Variants in NOL4 observed in about 807,000 individuals in gnomAD.
NOL4 encodes nucleolar protein 4, also known as cancer/testis antigen 125.
Under a neutral mutation model 75.9 loss-of-function variants are expected in NOL4, and 17 were observed. That is an observed-to-expected ratio of 0.22 (90% CI 0.15 to 0.34). The LOEUF is 0.34. NOL4 is among the 10% of genes least tolerant of loss of function. The pLI is 1.00. For synonymous variants in NOL4, 292 were observed against 289.9 expected (o/e 1.01, Z -0.07); for missense variants, 614 against 793.5 (o/e 0.77, Z 2.72).
At chr18:34,042,512 A>T (rs1203704822) in intron 5 of NOL4, among the ~76,000 whole-genome samples, 1 of 152,006 alleles carries the variant, frequency 6.6e-6, no homozygotes, top group Non-Finnish European at 1.5e-5. Context: ...AAAGTGTAGG[A>T]GAGGTAGCAT....
At chr18:34,002,729 T>C (rs1039978598) in intron 6 of NOL4, among the ~76,000 whole-genome samples, 2 of 152,072 alleles carry the variant, frequency 1.3e-5, no homozygotes, top group African/African-American at 4.8e-5. Flanking sequence ...AATAAAAATC[T>C]CCAATCTAAA....
At chr18:34,086,112 A>G (rs745378872) in intron 5 of NOL4, among the ~76,000 whole-genome samples, 18 of 152,172 alleles carry the variant, frequency 1.2e-4, no homozygotes, top group Admixed American at 2.0e-4. Context: ...AAACAAATTC[A>G]TCATGTGAAT....
chr18:34,211,991 C>A (rs1305858165), intron 1 of NOL4, among the ~76,000 whole-genome samples: 2 of 151,602 alleles, frequency 1.3e-5, no homozygotes, highest in Non-Finnish European at 2.9e-5. Flanking sequence ...TAAATGAGAA[C>A]AAATATTATA....
chr18:34,178,994 T>C lies in NOL4; in HGVS notation c.264+43996A>G, dbSNP rs1050411126. 4.0e-5 allele frequency among the ~76,000 whole-genome samples: 6 copies of C among 151,696 alleles called. No homozygotes were observed. In the East Asian group the frequency reaches 1.2e-3, roughly 29 times the overall value. On this transcript the variant is annotated intron_variant, in intron 1 of 10. Transcript: ENST00000261592. ...AATGACTTAAATCATACAAGGTATG[T>C]TTTATGACCACAATATAATGAAATT...
chr18:34,168,194 CAA>C (rs1357491254), intron 1 of NOL4, among the ~76,000 whole-genome samples: 1 of 151,058 alleles, frequency 6.6e-6, no homozygotes, highest in East Asian at 1.9e-4. Flanking sequence ...GTAGAATACC[CAA>C]AAAAAGATAA....
chr18:33,853,369 GT>G (rs1369582871), intron 10 of NOL4, among the ~76,000 whole-genome samples: 5 of 152,040 alleles, frequency 3.3e-5, no homozygotes, highest in Non-Finnish European at 1.5e-5. Context: ...GCTTCTCATA[GT>G]AGCATAACAT....
At chr18:34,011,315 C>T (rs561699327) in intron 6 of NOL4, among the ~76,000 whole-genome samples, 1 of 151,578 alleles carries the variant, frequency 6.6e-6, no homozygotes, top group Non-Finnish European at 1.5e-5. Context: ...TAATGTAAGG[C>T]TCATCTAATA....
chr18:34,054,569 T>C (rs2076755260), intron 5 of NOL4, among the ~76,000 whole-genome samples: 1 of 151,978 alleles, frequency 6.6e-6, no homozygotes, highest in Non-Finnish European at 1.5e-5. Flanking sequence ...TTTTAATCTT[T>C]GTGACTCTCA....
At chr18:34,177,355 C>T (rs2146306151) in intron 1 of NOL4, among the ~76,000 whole-genome samples, 1 of 151,918 alleles carries the variant, frequency 6.6e-6, no homozygotes, top group South Asian at 2.1e-4. Context: ...GTTCATTATC[C>T]TGACTGCTTT....
intron 1 of NOL4, among the ~76,000 whole-genome samples, chr18:34,207,168 T>A (rs2036180939): frequency 6.6e-6 from 1 of 152,200 alleles, no homozygotes; most frequent in African/African-American, 2.4e-5. Flanking sequence ...CCTTTATAAT[T>A]CCAACATCTG....
At chr18:33,970,203 T>C (rs1408981582) in intron 6 of NOL4, among the ~76,000 whole-genome samples, 3 of 152,210 alleles carry the variant, frequency 2.0e-5, no homozygotes, top group Non-Finnish European at 4.4e-5. Context: ...ATCTTCATGA[T>C]ATTTGAGAGT....
chr18:33,982,503 G>A lies in NOL4; in HGVS notation c.1057-24085C>T, dbSNP rs567458007. Among the ~76,000 whole-genome samples, 63 of 152,252 alleles carry A rather than the reference G, an allele frequency of 4.1e-4. No homozygotes were observed. In the South Asian group the frequency reaches 0.013, roughly 32 times the overall value. On this transcript the variant is annotated intron_variant, in intron 6 of 10. Transcript: ENST00000261592. Reference sequence around the variant, plus strand: ...AATGATAAATGGGTCAATTCTCCAAGAAGACAGAACAATCTGTATTGTGTA... The same window carrying A: ...AATGATAAATGGGTCAATTCTCCAAAAAGACAGAACAATCTGTATTGTGTA...
At chr18:33,876,867 C>T (rs572216167) in intron 10 of NOL4, among the ~76,000 whole-genome samples, 22 of 151,992 alleles carry the variant, frequency 1.4e-4, no homozygotes, top group Middle Eastern at 3.4e-3. Flanking sequence ...GTGAAGAAAA[C>T]GAAACTGGTA....
At chr18:33,954,456 T>C (rs2069494415) in intron 8 of NOL4, among the ~76,000 whole-genome samples, 1 of 152,082 alleles carries the variant, frequency 6.6e-6, no homozygotes, top group Non-Finnish European at 1.5e-5. Flanking sequence ...TAAAATGCTC[T>C]TTCGAGAAAC....
intron 10 of NOL4, among the ~76,000 whole-genome samples, chr18:33,879,049 G>A (rs571519654): frequency 8.3e-4 from 126 of 152,158 alleles, no homozygotes; most frequent in South Asian, 3.5e-3. Context: ...CTCTATGTGA[G>A]GCTATGCCAA....
chr18:34,135,468 C>T (rs1011631402), intron 1 of NOL4, among the ~76,000 whole-genome samples: 3 of 151,826 alleles, frequency 2.0e-5, no homozygotes, highest in South Asian at 2.1e-4. Context: ...GAGGCTGAGA[C>T]GGGTGGATCA....
intron 6 of NOL4, among the ~76,000 whole-genome samples, chr18:33,993,434 A>G (rs773146033): frequency 3.3e-5 from 5 of 151,978 alleles, no homozygotes; most frequent in Admixed American, 6.6e-5. Flanking sequence ...TGAAATAATC[A>G]AGAAAGTCAC....
At chr18:34,069,213 T>C (rs999770013) in intron 5 of NOL4, among the ~76,000 whole-genome samples, 18 of 152,224 alleles carry the variant, frequency 1.2e-4, no homozygotes, top group African/African-American at 4.3e-4. Flanking sequence ...AAACACCAAA[T>C]GGAAATTATG....
intron 5 of NOL4, among the ~76,000 whole-genome samples, chr18:34,090,602 T>C (rs908859759): frequency 1.3e-5 from 2 of 149,258 alleles, no homozygotes; most frequent in Admixed American, 6.7e-5. Flanking sequence ...ATCTATAGAA[T>C]AGAACATAGA....
Sources: gnomAD v4.1 joint callset for allele counts (sites outside exome capture counted in the v4.1 genomes callset) on GRCh38, gnomAD v4.1.1 for gene constraint, MANE v1.5 for transcripts, NCBI Gene and HGNC (gene_info 2026-07-23, HGNC 2026-07-21) for gene names.